The following DNMBP variants were observed in gnomAD, a reference collection of about 807,000 sequenced individuals.
DNMBP encodes dynamin binding protein, also known as dynamin-binding protein.
A neutral mutation model predicts 150.0 loss-of-function variants in DNMBP; 87 were observed. That is an observed-to-expected ratio of 0.58 (90% CI 0.49 to 0.69). The LOEUF is 0.69. Ranked by LOEUF, DNMBP falls within the 30% of genes least tolerant of loss-of-function variation. The pLI, the probability that DNMBP is intolerant of heterozygous loss-of-function variation, is 0.00. For missense variants in DNMBP, 1,774 were observed against 1,949.0 expected, an observed-to-expected ratio of 0.91 and a Z score of 1.69; for synonymous variants, 711 against 750.4, an observed-to-expected ratio of 0.95 and a Z score of 0.86.
chr10:99,973,575 C>T (rs1336030358), intron 1 of DNMBP, among the ~76,000 whole-genome samples: 1 of 152,178 alleles, frequency 6.6e-6, no homozygotes, highest in Non-Finnish European at 1.5e-5. Context: ...AGCAGCAGGG[C>T]CAGAACTCAA....
Position 99,936,464 on chromosome 10 carries a change from C to T in DNMBP, c.2260+18750G>A, listed in dbSNP as rs397839764. Among the ~76,000 whole-genome samples, 17 of 151,870 alleles carry T rather than the reference C, an allele frequency of 1.1e-4. No individual in the cohort carries two copies. In the East Asian group the frequency reaches 3.1e-3, roughly 28 times the overall value. ...GGAGAACATGATTGAACATTCATTG[C>T]CCATACCCTTCATCTCCAACAAAGA... On this transcript the variant is annotated intron_variant, in intron 4 of 16. Transcript: ENST00000324109.
intron 14 of DNMBP, among the ~76,000 whole-genome samples, chr10:99,885,133 T>C (rs570035178): frequency 6.6e-6 from 1 of 152,138 alleles, no homozygotes; most frequent in African/African-American, 2.4e-5. Flanking sequence ...TCATAAAAAA[T>C]AGGCCTGGCA....
chr10:100,009,285 G>C (rs1589459783), intron 1 of DNMBP, among the ~76,000 whole-genome samples: 1 of 152,212 alleles, frequency 6.6e-6, no homozygotes, highest in Admixed American at 6.5e-5. Context: ...GGACATCTGT[G>C]CCTGCAGCAG....
At chr10:99,986,593 T>TA (rs2040829559) in intron 1 of DNMBP, among the ~76,000 whole-genome samples, 1 of 20,826 alleles carries the variant, frequency 4.8e-5, no homozygotes, top group Admixed American at 6.9e-4. Flanking sequence ...AGACTCCGTC[T>TA]CAAAAAAAAA....
At chr10:99,928,629 T>C (rs937820508) in intron 4 of DNMBP, among the ~76,000 whole-genome samples, 8 of 152,322 alleles carry the variant, frequency 5.3e-5, no homozygotes, top group Admixed American at 4.6e-4. Flanking sequence ...AAAAGACTCC[T>C]AATATTCTCA....
At chr10:99,955,090 A>G in intron 4 of DNMBP, 124 bp downstream of exon 4, 1 of 823,880 alleles carries the variant, frequency 1.2e-6, no homozygotes, top group South Asian at 1.9e-5. Context: ...AAATTAGGTA[A>G]TGAAAATGTA....
intron 1 of DNMBP, among the ~76,000 whole-genome samples, chr10:99,973,752 G>A (rs987031696): frequency 3.3e-5 from 5 of 152,226 alleles, no homozygotes; most frequent in South Asian, 2.1e-4. Flanking sequence ...GGCCAAGGCG[G>A]GCAGATCACC....
intron 1 of DNMBP, among the ~76,000 whole-genome samples, chr10:99,996,993 TATGGGTTTGAAAAAC>T (rs2040958162): frequency 6.6e-6 from 1 of 151,986 alleles, no homozygotes; most frequent in African/African-American, 2.4e-5. Flanking sequence ...TAATTAAAAC[TATGGGTTTGAAAAAC>T]ATGGATGAGT....
intron 1 of DNMBP, among the ~76,000 whole-genome samples, chr10:99,976,890 T>C (rs543010313): frequency 1.3e-5 from 2 of 152,346 alleles, no homozygotes; most frequent in Admixed American, 1.3e-4. Flanking sequence ...GATACTATTT[T>C]TCTTCTTATA....
intron 4 of DNMBP, among the ~76,000 whole-genome samples, chr10:99,952,090 G>A (rs796929457): frequency 1.3e-4 from 20 of 152,042 alleles, no homozygotes; most frequent in South Asian, 8.3e-4. Context: ...TGAAAAATGG[G>A]AGTCTCCCTA....
Position 99,918,574 on chromosome 10 carries a change from C to CT in DNMBP, c.2261-9429dup, listed in dbSNP as rs71009786. Among the ~76,000 whole-genome samples, 744 of 137,884 alleles carry CT rather than the reference C, an allele frequency of 5.4e-3. 16 individuals are homozygous for CT. The highest frequency in any genetic ancestry group is 0.012 in the African/African-American group (422 of 36,612). The allele number at this position is 137,884 out of a possible 152,430, so 90.5% of individuals were successfully genotyped here. On this transcript the variant is annotated intron_variant, in intron 4 of 16. Transcript: ENST00000324109. ...CCCAAATTACAGGAGTCTGCAACTT[C>CT]TTTTTTTTTTTTGAAAAGGAGTCTC...
chr10:99,892,566 C>T (rs547901523), intron 11 of DNMBP, among the ~76,000 whole-genome samples: 10 of 131,316 alleles, frequency 7.6e-5, no homozygotes, highest in Non-Finnish European at 1.4e-4. Context: ...GCAGCATGCT[C>T]GTTAAGAGTC....
intron 1 of DNMBP, among the ~76,000 whole-genome samples, chr10:99,987,248 A>T (rs899529131): frequency 1.3e-5 from 2 of 152,056 alleles, no homozygotes; most frequent in African/African-American, 4.8e-5. Flanking sequence ...CATGCTTGTA[A>T]TCCGAGCATT....
At position 99,897,935 on chromosome 10, in the gene DNMBP, C is replaced by T. The variant is rs559777690; in HGVS notation, c.2920+151G>A. 4.8e-5 allele frequency: 32 copies of T among 660,202 alleles called. No homozygotes were observed. The East Asian group carries it at 8.5e-4, about 17-fold the overall frequency. 40.9% of individuals were successfully genotyped at this position (660,202 alleles called of 1,614,324 possible). A position where few individuals can be genotyped will look rare whatever the true frequency, so the allele number is the denominator to read the frequency against. The stretch of plus-strand genomic sequence containing the variant: ...CTCAAAAAAAATAATAATAAAATAT[C>T]ATATTTCCCCCAAATTCTACCATTT... On this transcript the variant is annotated intron_variant, in intron 9 of 16. Transcript: ENST00000324109.
Position 99,969,122 on chromosome 10 carries a change from GA to G in DNMBP, c.260del (p.Leu87ProfsTer7), listed in dbSNP as rs868294308. 1 of 1,614,050 alleles carries G rather than the reference GA, an allele frequency of 6.2e-7. No homozygotes were observed. Among genetic ancestry groups the G allele is most frequent in the African/African-American group, 1.3e-5 (1 of 75,040 alleles). On this transcript the variant is annotated frameshift_variant, in exon 3 of 17. Coordinates refer to ENST00000324109, the MANE Select transcript of DNMBP (RefSeq NM_015221.4). LOFTEE classifies it high-confidence loss of function. ...FTSQELDNLP[L>X]HRGDLVILDG... is the part of the protein sequence containing the mutation. ...ATTTGATGAGCAGCTTACCTCGATG[GA>G]GGGGAAGATTATCCAACTCTTGGGA...
intron 4 of DNMBP, among the ~76,000 whole-genome samples, chr10:99,947,517 A>G (rs916424810): frequency 2.0e-5 from 3 of 150,670 alleles, no homozygotes; most frequent in African/African-American, 7.3e-5. Context: ...CACTGGGTAC[A>G]CATGGACATA....
rs755426936 is a variant in DNMBP, at chr10:99,955,262, A to G, written c.2212T>C (p.Cys738Arg). 18 of 1,613,914 alleles carry G rather than the reference A, an allele frequency of 1.1e-5. No homozygotes were observed. The highest frequency in any genetic ancestry group is 1.5e-5 in the Non-Finnish European group (18 of 1,180,014). ...TTCAAACTTTCAATGTTACTTTCAC[A>G]GAACTTGAGATCCTCGAGGGTCTCT... is the stretch of plus-strand genomic sequence containing the variant. ...RAETLEDLKFCESNIESLNME... is the reference protein window; with the variant it reads ...RAETLEDLKFRESNIESLNME... Residue 738 changes from cysteine to arginine, a missense_variant, in exon 4 of 17, where the codon TGT (cysteine) becomes CGT (arginine). By Grantham distance (180) the Cys-to-Arg change is radical. Coordinates refer to ENST00000324109, the MANE Select transcript of DNMBP (RefSeq NM_015221.4).
At chr10:99,919,566 G>A (rs2039999909) in intron 4 of DNMBP, among the ~76,000 whole-genome samples, 1 of 152,246 alleles carries the variant, frequency 6.6e-6, no homozygotes, top group Admixed American at 6.5e-5. Flanking sequence ...GCCAAGGCAG[G>A]TTGATCACCT....
At chr10:99,913,906 G>A in intron 4 of DNMBP, 4 of 1,290,612 alleles carry the variant, frequency 3.1e-6, no homozygotes, top group South Asian at 5.3e-5. Context: ...CGAAGAGGCT[G>A]CCTGTTCCAC....
Sources: gnomAD v4.1 joint callset for allele counts (sites outside exome capture counted in the v4.1 genomes callset) on GRCh38, gnomAD v4.1.1 for gene constraint, MANE v1.5 for transcripts, NCBI Gene and HGNC (gene_info 2026-07-23, HGNC 2026-07-21) for gene names.